The following RPS6KC1 variants were observed in gnomAD, a reference collection of about 807,000 sequenced individuals.
RPS6KC1 encodes ribosomal protein S6 kinase C1.
RPS6KC1 carries 54 observed loss-of-function variants against 103.8 expected under a neutral mutation model. The ratio of observed to expected loss-of-function variants is 0.52; its 90% CI spans 0.42 to 0.65. The LOEUF (loss-of-function observed/expected upper bound fraction) is 0.65. Ranked by LOEUF, RPS6KC1 falls within the 30% of genes least tolerant of loss-of-function variation. The pLI, the probability that RPS6KC1 is intolerant of heterozygous loss-of-function variation, is 0.00. For synonymous variants in RPS6KC1, 439 were observed against 438.7 expected, an observed-to-expected ratio of 1.00 and a Z score of -0.01; for missense variants, 1,151 against 1,253.8, an observed-to-expected ratio of 0.92 and a Z score of 1.24.
chr1:213,167,637 A>G (rs901947835), intron 6 of RPS6KC1, among the ~76,000 whole-genome samples: 4 of 152,202 alleles, frequency 2.6e-5, no homozygotes, highest in Non-Finnish European at 4.4e-5. Context: ...TTATCAATAC[A>G]TATTTAAATA....
intron 6 of RPS6KC1, among the ~76,000 whole-genome samples, chr1:213,151,593 C>T (rs1202092647): frequency 3.3e-5 from 3 of 90,904 alleles, no homozygotes; most frequent in African/African-American, 1.1e-4. Context: ...GCTGGCCGGG[C>T]GGGGGGCTGA....
chr1:213,343,909 C>T, the RPS6KC1 span, among the ~76,000 whole-genome samples: 5 of 151,912 alleles, frequency 3.3e-5, no homozygotes, highest in African/African-American at 4.8e-5. Flanking sequence ...AATTGCTAGA[C>T]GAAAATGGCA....
chr1:213,287,506 A>G, the RPS6KC1 span, among the ~76,000 whole-genome samples: 1 of 152,236 alleles, frequency 6.6e-6, no homozygotes, highest in African/African-American at 2.4e-5. Flanking sequence ...TACAACATGT[A>G]CAACTTTATG....
At chr1:213,409,893 T>G in the RPS6KC1 span, among the ~76,000 whole-genome samples, 1 of 152,238 alleles carries the variant, frequency 6.6e-6, no homozygotes, top group African/African-American at 2.4e-5. Context: ...CTGGGTGCAG[T>G]GGCTCACGCC....
intron 6 of RPS6KC1, among the ~76,000 whole-genome samples, chr1:213,150,326 A>ATTT (rs1553346618): frequency 8.1e-6 from 1 of 123,710 alleles, no homozygotes; most frequent in South Asian, 2.5e-4. Context: ...TTATTTATTT[A>ATTT]TTTTTTATTG....
the RPS6KC1 span, among the ~76,000 whole-genome samples, chr1:213,709,636 A>C: frequency 0.014 from 2,092 of 152,066 alleles, 41 homozygotes; most frequent in African/African-American, 0.046. Context: ...GATCTTTCCC[A>C]CTTCCTCCAG....
the RPS6KC1 span, among the ~76,000 whole-genome samples, chr1:213,771,672 C>T: frequency 1.3e-5 from 2 of 152,188 alleles, no homozygotes; most frequent in African/African-American, 4.8e-5. Flanking sequence ...TTTAAATACA[C>T]AAAACACCTT....
the RPS6KC1 span, among the ~76,000 whole-genome samples, chr1:213,838,885 C>T: frequency 1.2e-4 from 19 of 152,266 alleles, no homozygotes; most frequent in East Asian, 3.5e-3. Context: ...ATGTTTAAAA[C>T]CACTGGATTA....
At chr1:213,135,934 G>GTGTTAAGACTAGATTTTCAGCTCCAGGTC (rs2086221745) in intron 6 of RPS6KC1, among the ~76,000 whole-genome samples, 1 of 152,170 alleles carries the variant, frequency 6.6e-6, no homozygotes, top group African/African-American at 2.4e-5. Context: ...TTCAGGTTTT[G>GTGTTAAGACTAGATTTTCAGCTCCAGGTC]TGTTAAGACT....
the RPS6KC1 span, among the ~76,000 whole-genome samples, chr1:213,383,471 GT>G: frequency 6.6e-6 from 1 of 152,162 alleles, no homozygotes; most frequent in Non-Finnish European, 1.5e-5. Flanking sequence ...CCATTTGCTG[GT>G]TGTGTGCTCC....
the RPS6KC1 span, among the ~76,000 whole-genome samples, chr1:213,406,316 T>C: frequency 3.3e-5 from 5 of 152,254 alleles, no homozygotes; most frequent in Admixed American, 6.5e-5. Flanking sequence ...TAAAGGGCTA[T>C]TTGCTCAGTT....
At chr1:213,632,755 A>T in the RPS6KC1 span, among the ~76,000 whole-genome samples, 3 of 152,248 alleles carry the variant, frequency 2.0e-5, no homozygotes, top group African/African-American at 7.2e-5. Context: ...TCTCCGAGCT[A>T]AAGGAGGATG....
At chr1:213,572,124 T>A in the RPS6KC1 span, among the ~76,000 whole-genome samples, 1 of 151,440 alleles carries the variant, frequency 6.6e-6, no homozygotes, top group Admixed American at 6.6e-5. Context: ...GGCTGTGGAG[T>A]CCAAGCCAGA....
At chr1:213,721,632 A>G in the RPS6KC1 span, among the ~76,000 whole-genome samples, 1 of 151,994 alleles carries the variant, frequency 6.6e-6, no homozygotes, top group African/African-American at 2.4e-5. Context: ...CCATGTCATC[A>G]CTCACATGCC....
the RPS6KC1 span, among the ~76,000 whole-genome samples, chr1:213,363,707 T>TC: frequency 2.8e-3 from 327 of 116,396 alleles, 40 homozygotes; most frequent in Middle Eastern, 0.02. Flanking sequence ...TCTTTCCTTC[T>TC]TTCTTTCTTT....
chr1:213,714,186 G>A, the RPS6KC1 span, among the ~76,000 whole-genome samples: 5 of 152,290 alleles, frequency 3.3e-5, no homozygotes, highest in South Asian at 4.1e-4. Flanking sequence ...AGATATTGTA[G>A]TTGTTTCTAC....
chr1:213,778,454 C>A, the RPS6KC1 span, among the ~76,000 whole-genome samples: 1 of 152,150 alleles, frequency 6.6e-6, no homozygotes, highest in African/African-American at 2.4e-5. Context: ...TTCTCCTCCT[C>A]CATATAAATT....
the RPS6KC1 span, among the ~76,000 whole-genome samples, chr1:213,471,421 A>G: frequency 2.6e-5 from 4 of 152,174 alleles, no homozygotes; most frequent in Non-Finnish European, 5.9e-5. Context: ...TTAAAGGAAT[A>G]TGGTTAACAA....
the RPS6KC1 span, among the ~76,000 whole-genome samples, chr1:213,451,230 T>C: frequency 1.3e-5 from 2 of 152,334 alleles, no homozygotes; most frequent in East Asian, 3.9e-4. Context: ...AATATAGTGT[T>C]ATTTAATGTT....
Sources: allele counts gnomAD v4.1 joint callset (sites outside exome capture counted in the v4.1 genomes callset), GRCh38; gene constraint gnomAD v4.1.1; transcripts MANE v1.5; gene names NCBI Gene and HGNC (gene_info 2026-07-23, HGNC 2026-07-21).